Variants in ARRB1 observed in about 807,000 individuals in gnomAD.
The protein encoded by ARRB1 is beta-arrestin-1.
In ARRB1, 21 loss-of-function variants were observed where a neutral mutation model predicts 56.8. The ratio of observed to expected loss-of-function variants is 0.37; its 90% CI spans 0.26 to 0.53. ARRB1 has a LOEUF of 0.53. Ranked by LOEUF, ARRB1 falls within the 20% of genes least tolerant of loss-of-function variation. ARRB1 has a pLI of 0.88. For missense variants in ARRB1, 424 were observed against 553.7 expected, an observed-to-expected ratio of 0.77 and a Z score of 2.35; for synonymous variants, 210 against 218.6, an observed-to-expected ratio of 0.96 and a Z score of 0.35.
At chr11:75,333,209 A>G (rs1014460991) in intron 1 of ARRB1, among the ~76,000 whole-genome samples, 1 of 152,240 alleles carries the variant, frequency 6.6e-6, no homozygotes, top group Non-Finnish European at 1.5e-5. Context: ...GCTCTGAAGA[A>G]AAAAACAAAG....
intron 1 of ARRB1, among the ~76,000 whole-genome samples, chr11:75,321,001 C>A (rs1018146944): frequency 6.6e-6 from 1 of 152,138 alleles, no homozygotes; most frequent in African/African-American, 2.4e-5. Flanking sequence ...ACACAACACA[C>A]GTGCACAGAC....
At chr11:75,278,476 G>T in intron 8 of ARRB1, 133 bp downstream of exon 8, 1 of 1,303,614 alleles carries the variant, frequency 7.7e-7, no homozygotes, top group Non-Finnish European at 1.0e-6. Flanking sequence ...CAGATTCCCT[G>T]ACCCCTGTGG....
intron 14 of ARRB1, 68 bp downstream of exon 14, chr11:75,268,821 G>T (rs987835528): frequency 1.3e-6 from 2 of 1,541,818 alleles, no homozygotes; most frequent in South Asian, 1.2e-5. Context: ...CCGGGGCGGG[G>T]TGGGTTACAG....
intron 1 of ARRB1, among the ~76,000 whole-genome samples, chr11:75,298,904 T>C (rs1274924039): frequency 1.3e-5 from 2 of 150,820 alleles, no homozygotes. Flanking sequence ...CTTGAAAACA[T>C]TATGTTAAGT....
chr11:75,310,189 T>A (rs774322860), intron 1 of ARRB1, among the ~76,000 whole-genome samples: 7 of 152,220 alleles, frequency 4.6e-5, no homozygotes, highest in Non-Finnish European at 8.8e-5. Context: ...ATTTAATGGC[T>A]ATGTTTGGAC....
intron 13 of ARRB1, among the ~76,000 whole-genome samples, chr11:75,269,803 T>C (rs562983188): frequency 6.6e-6 from 1 of 152,368 alleles, no homozygotes; most frequent in East Asian, 1.9e-4. Flanking sequence ...TTAATGGTTA[T>C]TATTAGATTC....
At chr11:75,349,840 C>A (rs539256706) in intron 1 of ARRB1, among the ~76,000 whole-genome samples, 18 of 152,340 alleles carry the variant, frequency 1.2e-4, no homozygotes, top group Non-Finnish European at 2.2e-4. Context: ...GCCGTCCCCC[C>A]CAAAGCCTGG....
intron 1 of ARRB1, among the ~76,000 whole-genome samples, chr11:75,301,003 G>A (rs1445495885): frequency 1.9e-4 from 28 of 150,588 alleles, no homozygotes; most frequent in African/African-American, 6.9e-4. Context: ...AATTAGCTAG[G>A]CATGGTCGTG....
At chr11:75,334,305 A>AC (rs1234527378) in intron 1 of ARRB1, among the ~76,000 whole-genome samples, 1 of 82,856 alleles carries the variant, frequency 1.2e-5, no homozygotes, top group Non-Finnish European at 2.5e-5. Flanking sequence ...TCCGTCTCAA[A>AC]CAAAAAAAAA....
intron 1 of ARRB1, among the ~76,000 whole-genome samples, chr11:75,290,757 T>C (rs1946592458): frequency 6.6e-6 from 1 of 152,096 alleles, no homozygotes; most frequent in Non-Finnish European, 1.5e-5. Flanking sequence ...AATTTTTATT[T>C]TTTGTTTTCT....
chr11:75,268,992 A>AGCGG, intron 13 of ARRB1, 33 bp from the exon 14 acceptor site: 1 of 1,600,274 alleles, frequency 6.2e-7, no homozygotes. Context: ...GTGAGCCTTG[A>AGCGG]GCGGACTCAC....
intron 3 of ARRB1, among the ~76,000 whole-genome samples, chr11:75,286,317 T>C: frequency 8.0e-6 from 1 of 125,100 alleles, no homozygotes. Context: ...TCACCCAGGC[T>C]GGAGTGCGGT....
At chr11:75,348,985 G>A (rs998255799) in intron 1 of ARRB1, among the ~76,000 whole-genome samples, 1 of 152,192 alleles carries the variant, frequency 6.6e-6, no homozygotes, top group African/African-American at 2.4e-5. Flanking sequence ...ACTTTCACAT[G>A]GGGGTGCAAT....
chr11:75,331,202 G>C lies in ARRB1; in HGVS notation c.20+20386C>G, dbSNP rs531523397. ...TTTTTGGTATTTTTAGTAGAGACAG[G>C]GTTTCACCATGTTGGCCAGGCTGGT... is the stretch of plus-strand genomic sequence containing the variant. On this transcript the variant is annotated intron_variant, in intron 1 of 15. Transcript: ENST00000420843. Among the ~76,000 whole-genome samples, 3 of 152,284 alleles carry C rather than the reference G, an allele frequency of 2.0e-5. No individual in the cohort carries two copies. In the East Asian group the frequency reaches 5.8e-4, roughly 29 times the overall value.
intron 15 of ARRB1, 57 bp downstream of exon 15, chr11:75,267,595 T>TC: frequency 1.4e-6 from 2 of 1,476,168 alleles, no homozygotes; most frequent in Non-Finnish European, 1.9e-6. Flanking sequence ...AATGACCCCC[T>TC]CCACCCCGCC....
intron 5 of ARRB1, 120 bp from the exon 6 acceptor site, chr11:75,282,141 T>A: frequency 1.0e-6 from 1 of 958,242 alleles, no homozygotes; most frequent in Non-Finnish European, 1.6e-6. Flanking sequence ...ACAGGCCATG[T>A]CTATCCCATC....
chr11:75,314,612 T>C (rs1002509967), intron 1 of ARRB1, among the ~76,000 whole-genome samples: 5 of 132,882 alleles, frequency 3.8e-5, no homozygotes, highest in Admixed American at 3.4e-4. Flanking sequence ...AACAGCACGT[T>C]TTTTTTTCTT....
At chr11:75,342,170 G>T (rs1947701647) in intron 1 of ARRB1, among the ~76,000 whole-genome samples, 5 of 152,058 alleles carry the variant, frequency 3.3e-5, no homozygotes, top group African/African-American at 1.2e-4. Flanking sequence ...ACCCCACTTG[G>T]GTGCTCTCCT....
At chr11:75,293,868 G>A (rs1353594126) in intron 1 of ARRB1, among the ~76,000 whole-genome samples, 1 of 152,110 alleles carries the variant, frequency 6.6e-6, no homozygotes, top group African/African-American at 2.4e-5. Flanking sequence ...CTCTCCTCCC[G>A]GGGCTTCATT....
Sources: allele counts gnomAD v4.1 joint callset (sites outside exome capture counted in the v4.1 genomes callset), GRCh38; gene constraint gnomAD v4.1.1; transcripts MANE v1.5; gene names NCBI Gene and HGNC (gene_info 2026-07-23, HGNC 2026-07-21).